The following RBFOX1 variants were observed in gnomAD, a reference collection of about 807,000 sequenced individuals.
The protein encoded by RBFOX1 is RNA binding protein fox-1 homolog 1.
RBFOX1 carries 8 observed loss-of-function variants against 57.7 expected under a neutral mutation model. The ratio of observed to expected loss-of-function variants is 0.14; its 90% CI spans 0.08 to 0.25. The LOEUF (loss-of-function observed/expected upper bound fraction) is 0.25, where lower values mean the gene tolerates loss of function less well. Ranked by LOEUF, RBFOX1 falls within the 10% of genes least tolerant of loss-of-function variation. The probability of loss-of-function intolerance (pLI) is 1.00; values close to 1 mark genes in which losing one functional copy is unlikely to be tolerated. For missense variants in RBFOX1, 611 were observed against 548.5 expected, an observed-to-expected ratio of 1.11 and a Z score of -1.14; for synonymous variants, 326 against 222.4, an observed-to-expected ratio of 1.47 and a Z score of -4.15.
At position 6,679,256 on chromosome 16, in the gene RBFOX1, C is replaced by G. The variant is rs374442863; in HGVS notation, c.-16+24606C>G. On this transcript the variant is annotated intron_variant, in intron 3 of 15. Coordinates refer to ENST00000550418, the MANE Select transcript of RBFOX1 (RefSeq NM_018723.4). ...AATCGCGTTTTAAAGTTTACTGACA[C>G]GTAAAAAAGTGAGCTTAAAGAAAAA... Among the ~76,000 whole-genome samples, 13 of 151,862 alleles carry G rather than the reference C, an allele frequency of 8.6e-5. No homozygotes were observed. In the South Asian group the frequency reaches 2.7e-3, roughly 32 times the overall value.
intron 1 of RBFOX1, among the ~76,000 whole-genome samples, chr16:5,386,297 C>T (rs2066253854): frequency 6.6e-6 from 1 of 151,994 alleles, no homozygotes; most frequent in South Asian, 2.1e-4. Context: ...TTCTCTTCTG[C>T]CTCAGGGAAA....
chr16:6,235,744 A>G (rs1017636473), intron 1 of RBFOX1, among the ~76,000 whole-genome samples: 3 of 152,148 alleles, frequency 2.0e-5, no homozygotes, highest in African/African-American at 7.2e-5. Context: ...ACTCTAAGTG[A>G]AGTAACTCAG....
chr16:6,730,244 G>A (rs774442011), intron 3 of RBFOX1, among the ~76,000 whole-genome samples: 22 of 152,264 alleles, frequency 1.4e-4, no homozygotes, highest in Non-Finnish European at 2.8e-4. Flanking sequence ...CATATAGGGA[G>A]ATGGTAGAAC....
intron 5 of RBFOX1, among the ~76,000 whole-genome samples, chr16:7,569,134 A>T (rs2092484222): frequency 6.6e-6 from 1 of 152,124 alleles, no homozygotes; most frequent in Non-Finnish European, 1.5e-5. Flanking sequence ...TCCCATTGAC[A>T]GTGATGAAAA....
intron 2 of RBFOX1, among the ~76,000 whole-genome samples, chr16:6,499,384 AAAG>A (rs2095855751): frequency 6.6e-6 from 1 of 152,194 alleles, no homozygotes; most frequent in Non-Finnish European, 1.5e-5. Context: ...TGTAAAAAAA[AAAG>A]GTATGAAAAA....
At chr16:5,508,207 A>G (rs2043445551) in intron 2 of RBFOX1, among the ~76,000 whole-genome samples, 1 of 152,170 alleles carries the variant, frequency 6.6e-6, no homozygotes, top group African/African-American at 2.4e-5. Flanking sequence ...TGAGTCTCAC[A>G]GACTGCAATG....
At chr16:5,281,889 G>C (rs925793341) in intron 1 of RBFOX1, among the ~76,000 whole-genome samples, 3 of 152,116 alleles carry the variant, frequency 2.0e-5, no homozygotes, top group African/African-American at 7.2e-5. Flanking sequence ...CTGTCTTTTA[G>C]GTAGGTAATT....
chr16:5,705,069 C>G (rs865902433), intron 3 of RBFOX1, among the ~76,000 whole-genome samples: 2 of 152,080 alleles, frequency 1.3e-5, no homozygotes, highest in African/African-American at 4.8e-5. Context: ...AAATATGTAA[C>G]CACACATTGT....
chr16:6,598,342 G>A (rs2097799634), intron 2 of RBFOX1, among the ~76,000 whole-genome samples: 1 of 151,896 alleles, frequency 6.6e-6, no homozygotes, highest in South Asian at 2.1e-4. Flanking sequence ...ATTATGTATG[G>A]ACCTGATTTA....
intron 3 of RBFOX1, among the ~76,000 whole-genome samples, chr16:5,654,840 C>T (rs12444593): frequency 0.14 from 20,849 of 151,796 alleles, 1,513 homozygotes; most frequent in East Asian, 0.26. Flanking sequence ...CTCCTTCCCT[C>T]GTGGCTTCCA....
chr16:7,169,149 T>C (rs1456526997), intron 4 of RBFOX1, among the ~76,000 whole-genome samples: 2 of 152,232 alleles, frequency 1.3e-5, no homozygotes, highest in African/African-American at 4.8e-5. Flanking sequence ...GCAACACCAA[T>C]AATTGTTTCA....
intron 4 of RBFOX1, among the ~76,000 whole-genome samples, chr16:7,461,389 A>G (rs963295132): frequency 3.3e-5 from 5 of 152,156 alleles, no homozygotes; most frequent in Non-Finnish European, 5.9e-5. Flanking sequence ...GATGGTGTCC[A>G]TCTGTTGACC....
chr16:5,813,170 G>A (rs1348972857), intron 3 of RBFOX1, among the ~76,000 whole-genome samples: 1 of 152,036 alleles, frequency 6.6e-6, no homozygotes, highest in East Asian at 1.9e-4. Flanking sequence ...ACCGCACCTG[G>A]CTGATTTTTG....
At chr16:5,376,795 A>G (rs563072204) in intron 1 of RBFOX1, among the ~76,000 whole-genome samples, 1 of 151,592 alleles carries the variant, frequency 6.6e-6, no homozygotes, top group South Asian at 2.1e-4. Context: ...GGTAGACCAG[A>G]AGTGTCAGAG....
At chr16:6,579,395 C>G (rs142151370) in intron 2 of RBFOX1, among the ~76,000 whole-genome samples, 5,659 of 152,026 alleles carry the variant, frequency 0.037, 369 homozygotes, top group African/African-American at 0.13. Flanking sequence ...TGTCTCCACC[C>G]AAATCTCATC....
chr16:5,358,929 C>T (rs2065467120), intron 1 of RBFOX1, among the ~76,000 whole-genome samples: 1 of 152,120 alleles, frequency 6.6e-6, no homozygotes, highest in African/African-American at 2.4e-5. Flanking sequence ...GTTTTGATAC[C>T]CATTATTCCT....
intron 2 of RBFOX1, among the ~76,000 whole-genome samples, chr16:6,622,361 T>C (rs1397841813): frequency 1.3e-5 from 2 of 152,192 alleles, no homozygotes; most frequent in African/African-American, 4.8e-5. Context: ...TTTCTATGTA[T>C]AGATAGATTT....
intron 3 of RBFOX1, among the ~76,000 whole-genome samples, chr16:6,743,915 T>C (rs1487193796): frequency 6.6e-6 from 1 of 151,054 alleles, no homozygotes; most frequent in East Asian, 1.9e-4. Context: ...ATCTATGATA[T>C]ATACAGTAAA....
chr16:6,978,595 A>T (rs548750503), intron 3 of RBFOX1, among the ~76,000 whole-genome samples: 1 of 152,282 alleles, frequency 6.6e-6, no homozygotes, highest in Admixed American at 6.5e-5. Context: ...GGGTATTACC[A>T]GGTTGGGTGC....
Sources: allele counts gnomAD v4.1 joint callset (sites outside exome capture counted in the v4.1 genomes callset), GRCh38; gene constraint gnomAD v4.1.1; transcripts MANE v1.5; gene names NCBI Gene and HGNC (gene_info 2026-07-23, HGNC 2026-07-21).